The following LPL variants were observed in gnomAD, a reference collection of about 807,000 sequenced individuals.
The protein encoded by LPL is phospholipase A1.
A neutral mutation model predicts 52.2 loss-of-function variants in LPL; 43 were observed. The observed-to-expected ratio is 0.82, with a 90% CI of 0.64 to 1.06. The LOEUF is 1.06. Ranked by LOEUF, LPL falls within the 50% of genes least tolerant of loss-of-function variation. LPL has a pLI of 0.00. For synonymous variants in LPL, 244 were observed against 215.6 expected (o/e 1.13, Z -1.15); for missense variants, 639 against 585.3 (o/e 1.09, Z -0.95).
At chr8:19,964,599 G>A (rs1428739699) in intron 9 of LPL, among the ~76,000 whole-genome samples, 1 of 152,042 alleles carries the variant, frequency 6.6e-6, no homozygotes, top group African/African-American at 2.4e-5. Context: ...GCGTGATCTC[G>A]GCTCAATGCA....
intron 9 of LPL, among the ~76,000 whole-genome samples, chr8:19,964,261 G>C (rs2070066604): frequency 6.6e-6 from 1 of 152,036 alleles, no homozygotes; most frequent in South Asian, 2.1e-4. Flanking sequence ...CCTAGATGCA[G>C]TTTTATACAT....
rs376875031 is a variant in LPL at position 19,951,928 on chromosome 8, C to G, written c.409C>G (p.Arg137Gly). The part of the protein sequence containing the change: ...YTKLVGQDVA[R>G]FINWMEEEFN... ...CAAACTGGTGGGACAGGATGTGGCC[C>G]GGTTTATCAACTGGATGGAGGTAAG... The change falls in exon 3 of 10, where the codon CGG (arginine) becomes GGG (glycine). Residue 137 changes from arginine (R) to glycine (G), a missense_variant. By Grantham distance (125) the Arg-to-Gly change is moderately radical. Coordinates refer to ENST00000650287, the MANE Select transcript of LPL (RefSeq NM_000237.3). 1.2e-6 allele frequency: 2 copies of G among 1,613,998 alleles called. No homozygotes were observed. Among genetic ancestry groups the G allele is most frequent in the Non-Finnish European group, 8.5e-7 (1 of 1,180,000 alleles).
rs1306602334 is a variant in LPL, at chr8:19,939,891, A to T, written c.88+363A>T. ...GGGAGTAAGGGCCCGGCTGGCGGTG[A>T]CCTGCAGTCACCTCTCTGCCGGAGG... On this transcript the variant is annotated intron_variant, in intron 1 of 9. Transcript: ENST00000650287. The surrounding 1 kb of genome is among the most constrained non-coding windows in gnomAD (Gnocchi z 4.0). 6.6e-6 allele frequency among the ~76,000 whole-genome samples: 1 copy of T among 152,028 alleles called. No individual in the cohort carries two copies. Among genetic ancestry groups the T allele is most frequent in the Non-Finnish European group, 1.5e-5 (1 of 67,986 alleles).
intron 1 of LPL, among the ~76,000 whole-genome samples, chr8:19,941,773 A>G (rs1053643129): frequency 3.3e-5 from 5 of 152,204 alleles, no homozygotes; most frequent in African/African-American, 1.2e-4. Flanking sequence ...TCACCGTGGT[A>G]GAAAGACAGG....
At chr8:19,951,282 T>G (rs974904191) in intron 2 of LPL, among the ~76,000 whole-genome samples, 1 of 152,160 alleles carries the variant, frequency 6.6e-6, no homozygotes, top group East Asian at 1.9e-4. Context: ...TAACATTACA[T>G]TCTGAAGAAA....
In LPL at chr8:19,954,209, A is replaced by T. The variant is rs759702329; in HGVS notation, c.631A>T (p.Thr211Ser). 6.2e-7 allele frequency: 1 copy of T among 1,614,172 alleles called. No individual in the cohort carries two copies. Among genetic ancestry groups the T allele is most frequent in the Non-Finnish European group, 8.5e-7 (1 of 1,180,034 alleles). Residue 211 changes from threonine (T) to serine (S), a missense_variant, in exon 5 of 10, where the codon ACA becomes TCA. Thr to Ser is a moderately conservative substitution (Grantham distance 58). Coordinates refer to ENST00000650287, the MANE Select transcript of LPL (RefSeq NM_000237.3). ...DDADFVDVLH[T>S]FTRGSPGRSI... ...TGCAGATTTTGTAGACGTCTTACAC[A>T]CATTCACCAGAGGGTCCCCTGGTCG...
chr8:19,948,456 T>C, intron 2 of LPL, 116 bp downstream of exon 2: 2 of 1,204,324 alleles, frequency 1.7e-6, no homozygotes, highest in Non-Finnish European at 2.3e-6. Context: ...GTGGATCTCC[T>C]TACACTTGAA....
rs183491987 is a variant in LPL at position 19,941,255 on chromosome 8, G to T, written c.88+1727G>T. ...GGGTATGTTTCGTATGTTTCCCTTC[G>T]TACTGCTTAATGCTGACAAGAAGAT... On this transcript the variant is annotated intron_variant, in intron 1 of 9. Transcript: ENST00000650287. Among the ~76,000 whole-genome samples, 284 of 152,266 alleles carry T rather than the reference G, an allele frequency of 1.9e-3. 3 individuals are homozygous for T. Among genetic ancestry groups the T allele is most frequent in the African/African-American group, 6.5e-3 (271 of 41,552 alleles).
chr8:19,963,890 G>A (rs1281772569), intron 9 of LPL, among the ~76,000 whole-genome samples: 3 of 151,994 alleles, frequency 2.0e-5, no homozygotes, highest in Non-Finnish European at 4.4e-5. Flanking sequence ...CAAATCTGAG[G>A]CAATATCATA....
rs767740358 is a variant in LPL at position 19,954,212 on chromosome 8, T to C, written c.634T>C (p.Phe212Leu). The change falls in exon 5 of 10, where the codon TTC (phenylalanine) becomes CTC (leucine). Residue 212 changes from phenylalanine to leucine, a missense_variant. By Grantham distance (22) the Phe-to-Leu change is conservative. Transcript: ENST00000650287. ...AGATTTTGTAGACGTCTTACACACA[T>C]TCACCAGAGGGTCCCCTGGTCGAAG... ...DADFVDVLHTFTRGSPGRSIG... is the reference protein window; with the variant it reads ...DADFVDVLHTLTRGSPGRSIG... 2.5e-6 allele frequency: 4 copies of C among 1,613,098 alleles called. No homozygotes were observed. The Admixed American group carries it at 5.0e-5, about 20-fold the overall frequency.
Position 19,939,477 on chromosome 8 carries a change from G to T in LPL, c.37G>T (p.Val13Leu), listed in dbSNP as rs751494597. Residue 13 changes from valine to leucine, a missense_variant, in exon 1 of 10, where the codon GTG becomes TTG. Physicochemically the swap from Val to Leu is conservative, Grantham distance 32. Coordinates refer to ENST00000650287, the MANE Select transcript of LPL (RefSeq NM_000237.3). The surrounding 1 kb of genome is among the most constrained non-coding windows in gnomAD (Gnocchi z 4.0). ...SKALLVLTLA[V>L]WLQSLTASRG... ...AGCCCTGCTCGTGCTGACTCTGGCCGTGTGGCTCCAGAGTCTGACCGCCTC... is the reference window on the plus strand; with the variant it reads ...AGCCCTGCTCGTGCTGACTCTGGCCTTGTGGCTCCAGAGTCTGACCGCCTC... The T allele has an allele frequency of 2.7e-5, 44 of 1,610,790 alleles. No individual in the cohort carries two copies. The highest frequency in any genetic ancestry group is 3.4e-5 in the Non-Finnish European group (40 of 1,179,144).
chr8:19,952,221 G>A (rs185834338), intron 3 of LPL, among the ~76,000 whole-genome samples: 1 of 152,192 alleles, frequency 6.6e-6, no homozygotes, highest in East Asian at 1.9e-4. Context: ...GGGCCCAACA[G>A]AAAAAAGCTT....
intron 9 of LPL, among the ~76,000 whole-genome samples, chr8:19,964,271 T>G (rs77069344): frequency 0.094 from 14,320 of 152,218 alleles, 658 homozygotes; most frequent in East Asian, 0.11. Flanking sequence ...GTTTTATACA[T>G]GCATTTGTAT....
At chr8:19,960,865 T>C in intron 7 of LPL, 36 bp from the exon 8 acceptor site, 1 of 1,550,026 alleles carries the variant, frequency 6.5e-7, no homozygotes, top group Non-Finnish European at 8.9e-7. Context: ...AGAGCTGATC[T>C]CTATAACTAA....
At position 19,953,440 on chromosome 8, in the gene LPL, T is replaced by C. The variant is rs368097743; in HGVS notation, c.541+19T>C. ...ATTACTGGTAAGAAAGCAATTTCGT[T>C]GGTCTTATCATAAGAGGTGAAAAGA... On this transcript the variant is annotated intron_variant, in intron 4 of 9. Transcript: ENST00000650287. The C allele has an allele frequency of 1.3e-6, 2 of 1,576,348 alleles. No homozygotes were observed. The highest frequency in any genetic ancestry group is 1.3e-5 in the African/African-American group (1 of 74,352).
Position 19,959,241 on chromosome 8 carries a change from C to T in LPL, c.1019-19C>T, listed in dbSNP as rs749956123. 1.6e-5 allele frequency: 26 copies of T among 1,613,838 alleles called. No homozygotes were observed. The highest frequency in any genetic ancestry group is 2.2e-5 in the South Asian group (2 of 91,054). ...TTTCATAAAGATTGATCAACATGTTCGAATTTCCTCCCCAACAGTCTTCCA... is the reference window on the plus strand; with the variant it reads ...TTTCATAAAGATTGATCAACATGTTTGAATTTCCTCCCCAACAGTCTTCCA... On this transcript the variant is annotated intron_variant, in intron 6 of 9. Transcript: ENST00000650287.
intron 8 of LPL, among the ~76,000 whole-genome samples, chr8:19,961,414 C>G (rs2070038179): frequency 6.6e-6 from 1 of 151,954 alleles, no homozygotes; most frequent in Admixed American, 6.6e-5. Context: ...AGTTAGGGAA[C>G]AAACCTCCGA....
intron 4 of LPL, among the ~76,000 whole-genome samples, chr8:19,953,731 C>T (rs943300943): frequency 1.3e-5 from 2 of 152,030 alleles, no homozygotes; most frequent in East Asian, 3.9e-4. Flanking sequence ...AAATGCACAT[C>T]AGTACTAGGA....
intron 1 of LPL, among the ~76,000 whole-genome samples, chr8:19,942,298 C>G (rs1433847607): frequency 2.0e-5 from 3 of 152,088 alleles, no homozygotes; most frequent in Non-Finnish European, 4.4e-5. Flanking sequence ...TCTTCCGTGA[C>G]CACCACAAAG....
Sources: gnomAD v4.1 joint callset for allele counts (sites outside exome capture counted in the v4.1 genomes callset) on GRCh38, gnomAD v4.1.1 for gene constraint, Gnocchi (gnomAD v3.1) non-coding constraint, MANE v1.5 for transcripts, NCBI Gene and HGNC (gene_info 2026-07-23, HGNC 2026-07-21) for gene names.